Variants in CHD9 observed in about 807,000 individuals in gnomAD.
CHD9 encodes ATP-dependent chromatin remodeler CHD9.
In CHD9, 77 loss-of-function variants were observed where a neutral mutation model predicts 316.1. The ratio of observed to expected loss-of-function variants is 0.24; its 90% CI spans 0.20 to 0.29. The LOEUF is 0.29. CHD9 is among the 10% of genes least tolerant of loss of function. The pLI is 1.00. For missense variants in CHD9, 2,763 were observed against 3,438.1 expected, an observed-to-expected ratio of 0.80 and a Z score of 4.91; for synonymous variants, 1,129 against 1,158.3, an observed-to-expected ratio of 0.97 and a Z score of 0.51.
In CHD9 at chr16:53,254,515, G is replaced by A. The variant is rs2050410016; in HGVS notation, c.3939G>A (p.Glu1313=). 6.2e-7 allele frequency: 1 copy of A among 1,613,068 alleles called. No individual in the cohort carries two copies. ...VYRLVTRNSY[E]REMFDRASLK... The stretch of plus-strand genomic sequence containing the variant: ...GACTGGTAACTCGTAACTCATATGA[G>A]AGAGAGATGTTTGACCGAGCCAGTT... The change falls in exon 18 of 39, where the codon GAG becomes GAA. Residue 1313 remains glutamate, a synonymous_variant. Coordinates refer to ENST00000447540, the MANE Select transcript of CHD9 (RefSeq NM_001308319.2).
At chr16:53,299,667 C>A (rs569128243) in intron 30 of CHD9, 13 of 349,026 alleles carry the variant, frequency 3.7e-5, no homozygotes, top group African/African-American at 2.8e-4. Context: ...GATCGAGGGC[C>A]TCCATGGCCA....
intron 17 of CHD9, among the ~76,000 whole-genome samples, chr16:53,250,894 A>G (rs778148045): frequency 1.8e-4 from 27 of 152,158 alleles, no homozygotes; most frequent in Non-Finnish European, 3.1e-4. Flanking sequence ...GCTCTGAACA[A>G]CCCATTAAAT....
intron 1 of CHD9, among the ~76,000 whole-genome samples, chr16:53,082,235 T>C (rs1361813977): frequency 1.3e-5 from 2 of 151,236 alleles, no homozygotes; most frequent in African/African-American, 4.9e-5. Context: ...TTTATTTATT[T>C]ATTTATTTAT....
At chr16:53,217,812 C>T (rs1002224586) in intron 3 of CHD9, among the ~76,000 whole-genome samples, 3 of 151,960 alleles carry the variant, frequency 2.0e-5, no homozygotes, top group Non-Finnish European at 4.4e-5. Flanking sequence ...TACTTTGTTT[C>T]CCAGGCTGGC....
In CHD9 at chr16:53,267,414, C is replaced by A; in HGVS notation, c.4441C>A (p.Arg1481=). ...TGAAGGAGATGAAAAGCCCAAACTC[C>A]GGAGACCCTGTGACCGTTCCAATGG... ...ESEGDEKPKL[R]RPCDRSNGYG... Residue 1481 remains arginine, a synonymous_variant, in exon 21 of 39, where the codon CGG becomes AGG. Coordinates refer to ENST00000447540, the MANE Select transcript of CHD9 (RefSeq NM_001308319.2). 6.2e-7 allele frequency: 1 copy of A among 1,612,846 alleles called. No homozygotes were observed. Among genetic ancestry groups the A allele is most frequent in the Non-Finnish European group, 8.5e-7 (1 of 1,179,216 alleles).
chr16:53,162,169 ACT>A (rs1199497965), intron 2 of CHD9, among the ~76,000 whole-genome samples: 6 of 152,076 alleles, frequency 3.9e-5, no homozygotes, highest in African/African-American at 1.4e-4. Context: ...TGCTGATTTG[ACT>A]CTAGAATTTT....
intron 24 of CHD9, among the ~76,000 whole-genome samples, chr16:53,282,170 GATTT>G (rs2053474368): frequency 6.6e-6 from 1 of 151,822 alleles, no homozygotes; most frequent in Non-Finnish European, 1.5e-5. Context: ...TTCTCATTTG[GATTT>G]TAACATGTTT....
rs940457308 is a variant in CHD9 at position 53,326,120 on chromosome 16, G to C, written c.*1225G>C. The stretch of plus-strand genomic sequence containing the variant: ...CCTGAGGCTTCTGTTCAATTTCATA[G>C]ACTCCTTTACCATGTAAAATTTGTC... On this transcript the variant is annotated 3_prime_UTR_variant, in exon 39 of 39. Coordinates refer to ENST00000447540, the MANE Select transcript of CHD9 (RefSeq NM_001308319.2). 6.6e-6 allele frequency: 1 copy of C among 152,434 alleles called. No individual in the cohort carries two copies. Among genetic ancestry groups the C allele is most frequent in the African/African-American group, 2.4e-5 (1 of 41,434 alleles). 9.4% of individuals were successfully genotyped at this position (152,434 alleles called of 1,614,324 possible).
intron 2 of CHD9, among the ~76,000 whole-genome samples, chr16:53,176,846 C>G (rs192715151): frequency 6.6e-6 from 1 of 152,172 alleles, no homozygotes; most frequent in Admixed American, 6.5e-5. Context: ...TTTAGTAAGC[C>G]CCATCCTGGT....
chr16:53,155,688 C>T (rs2041469156), intron 1 of CHD9, among the ~76,000 whole-genome samples: 1 of 152,134 alleles, frequency 6.6e-6, no homozygotes, highest in African/African-American at 2.4e-5. Flanking sequence ...CTATCACTCA[C>T]CAATCACCAG....
chr16:53,315,545 C>G (rs1422200787), intron 36 of CHD9, among the ~76,000 whole-genome samples: 1 of 152,102 alleles, frequency 6.6e-6, no homozygotes, highest in Non-Finnish European at 1.5e-5. Context: ...GTGACGTGAT[C>G]TCGGCTCACT....
intron 1 of CHD9, among the ~76,000 whole-genome samples, chr16:53,066,424 G>A (rs969464037): frequency 2.6e-5 from 4 of 152,268 alleles, no homozygotes; most frequent in African/African-American, 4.8e-5. Flanking sequence ...CTTAAAAAAT[G>A]TACATTATGT....
intron 17 of CHD9, among the ~76,000 whole-genome samples, chr16:53,251,566 T>A (rs1223227614): frequency 6.6e-6 from 1 of 152,188 alleles, no homozygotes; most frequent in African/African-American, 2.4e-5. Context: ...AAAGTGTCAA[T>A]GAAGGGCAGA....
At chr16:53,101,698 A>T (rs2036898942) in intron 1 of CHD9, among the ~76,000 whole-genome samples, 1 of 152,182 alleles carries the variant, frequency 6.6e-6, no homozygotes, top group African/African-American at 2.4e-5. Flanking sequence ...CCTTGTACCT[A>T]ATTTTTAATT....
intron 3 of CHD9, among the ~76,000 whole-genome samples, chr16:53,212,285 G>T (rs1411958252): frequency 1.3e-5 from 2 of 151,938 alleles, no homozygotes; most frequent in Non-Finnish European, 2.9e-5. Flanking sequence ...GGCACCTGTA[G>T]TGCCAGCTAC....
intron 2 of CHD9, among the ~76,000 whole-genome samples, chr16:53,206,281 C>T (rs1203072638): frequency 6.6e-6 from 1 of 151,490 alleles, no homozygotes; most frequent in Admixed American, 6.6e-5. Context: ...GTCGAGAAAC[C>T]AAGTGCTGGC....
intron 1 of CHD9, among the ~76,000 whole-genome samples, chr16:53,146,437 A>ATATATATATATATATATATATATAT (rs58622741): frequency 1.2e-3 from 157 of 129,352 alleles, no homozygotes; most frequent in Non-Finnish European, 1.5e-3. Flanking sequence ...ATATATATAT[A>ATATATATATATATATATATATATAT]ATTAAAAAGT....
At chr16:53,180,658 CTTTT>C (rs1161309609) in intron 2 of CHD9, among the ~76,000 whole-genome samples, 1 of 151,898 alleles carries the variant, frequency 6.6e-6, no homozygotes, top group Non-Finnish European at 1.5e-5. Context: ...ACAGACATCT[CTTTT>C]TTTATTTTTT....
At chr16:53,285,432 A>T (rs2053786033) in intron 24 of CHD9, among the ~76,000 whole-genome samples, 164 bp from the exon 25 acceptor site, 2 of 151,986 alleles carry the variant, frequency 1.3e-5, no homozygotes, top group South Asian at 4.1e-4. Context: ...TTGTTATTGC[A>T]CAATTTCGTA....
Sources: gnomAD v4.1 joint callset for allele counts (sites outside exome capture counted in the v4.1 genomes callset) on GRCh38, gnomAD v4.1.1 for gene constraint, MANE v1.5 for transcripts, NCBI Gene and HGNC (gene_info 2026-07-23, HGNC 2026-07-21) for gene names.